Variants in NLGN1 observed in about 807,000 individuals in gnomAD.
NLGN1 encodes the protein neuroligin 1.
In NLGN1, 12 loss-of-function variants were observed where a neutral mutation model predicts 65.5. The ratio of observed to expected loss-of-function variants is 0.18; its 90% CI spans 0.12 to 0.30. The LOEUF (loss-of-function observed/expected upper bound fraction) is 0.30, where lower values mean the gene tolerates loss of function less well. NLGN1 is among the 10% of genes least tolerant of loss of function. NLGN1 has a pLI of 1.00. For synonymous variants in NLGN1, 350 were observed against 359.5 expected, an observed-to-expected ratio of 0.97 and a Z score of 0.30; for missense variants, 750 against 1,007.1, an observed-to-expected ratio of 0.74 and a Z score of 3.46.
intron 2 of NLGN1, among the ~76,000 whole-genome samples, chr3:173,588,367 A>T (rs1451783562): frequency 1.3e-5 from 2 of 152,164 alleles, no homozygotes; most frequent in Non-Finnish European, 2.9e-5. Flanking sequence ...AATGTTGATA[A>T]TGTCAAATAT....
chr3:173,530,407 G>C (rs1489440444), intron 2 of NLGN1, among the ~76,000 whole-genome samples: 1 of 152,172 alleles, frequency 6.6e-6, no homozygotes, highest in African/African-American at 2.4e-5. Context: ...GGAAGAGAGA[G>C]GGTGTGGATG....
chr3:174,005,269 A>G (rs940272703), intron 4 of NLGN1, among the ~76,000 whole-genome samples: 2 of 152,116 alleles, frequency 1.3e-5, no homozygotes, highest in African/African-American at 4.8e-5. Flanking sequence ...TATGACCTCT[A>G]ATATCAAATG....
chr3:173,817,240 C>T (rs1387387943), intron 4 of NLGN1, among the ~76,000 whole-genome samples: 1 of 152,160 alleles, frequency 6.6e-6, no homozygotes, highest in Non-Finnish European at 1.5e-5. Context: ...AGGTTAAAAA[C>T]ATAGGCAGCA....
chr3:173,815,077 G>GTTCCTTCT (rs1270778770), intron 4 of NLGN1, among the ~76,000 whole-genome samples: 5 of 120,694 alleles, frequency 4.1e-5, no homozygotes, highest in Non-Finnish European at 6.8e-5. Context: ...TCTTTCCTTC[G>GTTCCTTCT]TTCCTTCTTT....
chr3:173,473,913 A>C (rs1234859227), intron 2 of NLGN1, among the ~76,000 whole-genome samples: 1 of 152,098 alleles, frequency 6.6e-6, no homozygotes, highest in East Asian at 1.9e-4. Context: ...GAAAATTAAG[A>C]ATGTTGGTCT....
At chr3:173,467,627 T>C (rs560319592) in intron 2 of NLGN1, among the ~76,000 whole-genome samples, 1 of 152,282 alleles carries the variant, frequency 6.6e-6, no homozygotes, top group Admixed American at 6.5e-5. Flanking sequence ...CATGTCATAA[T>C]GATTCAGTCA....
At chr3:174,153,641 T>C (rs1236662533) in intron 4 of NLGN1, among the ~76,000 whole-genome samples, 2 of 152,142 alleles carry the variant, frequency 1.3e-5, no homozygotes, top group African/African-American at 4.8e-5. Flanking sequence ...ATAATTAAAA[T>C]CACAATATGT....
chr3:173,797,380 T>C (rs1560390617), intron 3 of NLGN1, among the ~76,000 whole-genome samples: 1 of 152,092 alleles, frequency 6.6e-6, no homozygotes. Flanking sequence ...CTGAAATCAC[T>C]AAAATACTGC....
At chr3:173,905,813 A>C (rs1218964186) in intron 4 of NLGN1, among the ~76,000 whole-genome samples, 1 of 152,188 alleles carries the variant, frequency 6.6e-6, no homozygotes, top group Non-Finnish European at 1.5e-5. Context: ...GAATGGTAGG[A>C]TTTGTGGGGT....
At chr3:174,235,619 C>T (rs1741565920) in intron 4 of NLGN1, among the ~76,000 whole-genome samples, 1 of 152,216 alleles carries the variant, frequency 6.6e-6, no homozygotes, top group Non-Finnish European at 1.5e-5. Flanking sequence ...CAACACCCTT[C>T]TCAACTGGCT....
chr3:173,404,988 T>C (rs921469590), intron 1 of NLGN1, among the ~76,000 whole-genome samples: 4 of 152,148 alleles, frequency 2.6e-5, no homozygotes, highest in South Asian at 4.1e-4. Context: ...CAAATAGATA[T>C]AGATTTTTAA....
At chr3:173,460,983 ACATCTGGATGGTATCT>A (rs1310442710) in intron 2 of NLGN1, among the ~76,000 whole-genome samples, 1 of 152,142 alleles carries the variant, frequency 6.6e-6, no homozygotes, top group African/African-American at 2.4e-5. Flanking sequence ...TTCTGTGATT[ACATCTGGATGGTATCT>A]CATACAAGGA....
chr3:173,646,724 A>G lies in NLGN1; in HGVS notation c.493+41633A>G, dbSNP rs186703280. ...CTAATAAGCCAAAAAAGGATACAAA[A>G]TGGAATTATAAAAATGTTCAACTAA... On this transcript the variant is annotated intron_variant, in intron 3 of 6. Coordinates refer to ENST00000457714, the Ensembl canonical transcript of NLGN1. 9.2e-5 allele frequency among the ~76,000 whole-genome samples: 14 copies of G among 152,322 alleles called. No homozygotes were observed. The East Asian group carries it at 1.7e-3, about 19-fold the overall frequency.
intron 2 of NLGN1, among the ~76,000 whole-genome samples, chr3:173,505,071 A>G (rs755341542): frequency 6.6e-6 from 1 of 151,114 alleles, no homozygotes; most frequent in Non-Finnish European, 1.5e-5. Flanking sequence ...CCACACACAC[A>G]TGGACTCCTT....
intron 4 of NLGN1, among the ~76,000 whole-genome samples, chr3:174,141,654 T>TAAGTTC (rs1314863441): frequency 1.3e-5 from 2 of 152,192 alleles, no homozygotes; most frequent in Non-Finnish European, 2.9e-5. Context: ...GTTTAGTACC[T>TAAGTTC]ACTAATTGCT....
At chr3:174,009,062 C>T (rs1472835570) in intron 4 of NLGN1, among the ~76,000 whole-genome samples, 1 of 152,092 alleles carries the variant, frequency 6.6e-6, no homozygotes, top group African/African-American at 2.4e-5. Context: ...GATTGGGAGT[C>T]CAAGATCAAG....
At chr3:173,943,011 G>A (rs1330541489) in intron 4 of NLGN1, among the ~76,000 whole-genome samples, 2 of 152,046 alleles carry the variant, frequency 1.3e-5, no homozygotes, top group African/African-American at 2.4e-5. Context: ...TATTGCTTGA[G>A]ACCAGGAGTC....
At chr3:173,590,472 T>C (rs781340475) in intron 2 of NLGN1, among the ~76,000 whole-genome samples, 1 of 152,318 alleles carries the variant, frequency 6.6e-6, no homozygotes, top group Non-Finnish European at 1.5e-5. Context: ...AATACTGTAC[T>C]AGTAGTCTGT....
At chr3:173,599,394 G>A (rs916497333) in intron 2 of NLGN1, among the ~76,000 whole-genome samples, 2 of 152,102 alleles carry the variant, frequency 1.3e-5, no homozygotes, top group South Asian at 2.1e-4. Flanking sequence ...CCTGGGTCAT[G>A]AAGAATATCC....
Sources: gnomAD v4.1 joint callset for allele counts (sites outside exome capture counted in the v4.1 genomes callset) on GRCh38, gnomAD v4.1.1 for gene constraint, MANE v1.5 for transcripts, NCBI Gene and HGNC (gene_info 2026-07-23, HGNC 2026-07-21) for gene names.